Variants in DNAI4 observed in about 807,000 individuals in gnomAD.
DNAI4 encodes dynein axonemal intermediate chain 4, also known as WD repeat domain 78.
In DNAI4, 85 loss-of-function variants were observed where a neutral mutation model predicts 105.8. That is an observed-to-expected ratio of 0.80 (90% CI 0.67 to 0.96). DNAI4 has a LOEUF of 0.96. DNAI4 is among the 40% of genes least tolerant of loss of function. DNAI4 has a pLI of 0.00. For synonymous variants in DNAI4, 352 were observed against 331.5 expected (o/e 1.06, Z -0.67); for missense variants, 1,014 against 1,005.6 (o/e 1.01, Z -0.11).
At chr1:66,899,055 T>A (rs1458548651) in intron 2 of DNAI4, among the ~76,000 whole-genome samples, 1 of 152,220 alleles carries the variant, frequency 6.6e-6, no homozygotes, top group Admixed American at 6.5e-5. Flanking sequence ...TTATGAATAA[T>A]GCTACTAGAA....
At chr1:66,834,209 G>A in intron 11 of DNAI4, 61 bp from the exon 12 acceptor site, 1 of 1,326,748 alleles carries the variant, frequency 7.5e-7, no homozygotes, top group Non-Finnish European at 1.0e-6. Flanking sequence ...AAAGGCCTTG[G>A]AGTATAAGTG....
chr1:66,857,403 T>G (rs1398725269), intron 7 of DNAI4, among the ~76,000 whole-genome samples: 2 of 151,324 alleles, frequency 1.3e-5, no homozygotes, highest in Non-Finnish European at 2.9e-5. Context: ...AGTTAATGGG[T>G]GCAGCACACC....
At chr1:66,829,077 C>G (rs181976857) in intron 13 of DNAI4, among the ~76,000 whole-genome samples, 2 of 152,074 alleles carry the variant, frequency 1.3e-5, no homozygotes, top group Non-Finnish European at 2.9e-5. Context: ...TGAGCCGTGA[C>G]GCAGTTGCAA....
At chr1:66,920,505 C>G (rs2100905517) in intron 1 of DNAI4, among the ~76,000 whole-genome samples, 1 of 152,296 alleles carries the variant, frequency 6.6e-6, no homozygotes, top group African/African-American at 2.4e-5. Context: ...AACACCTCCT[C>G]TGGGGTTTTG....
At chr1:66,877,119 C>G (rs1646974506) in intron 4 of DNAI4, among the ~76,000 whole-genome samples, 1 of 152,080 alleles carries the variant, frequency 6.6e-6, no homozygotes, top group Admixed American at 6.6e-5. Context: ...TCTCAGAGAC[C>G]CCAGTAGAGA....
At chr1:66,870,999 G>C (rs1313580823) in intron 6 of DNAI4, 1 of 184,414 alleles carries the variant, frequency 5.4e-6, no homozygotes, top group East Asian at 1.4e-4. Context: ...TAGGGTTGCT[G>C]TAAAAATTAA....
chr1:66,871,525 T>C lies in DNAI4; in HGVS notation c.801-16A>G, dbSNP rs772513687. 1.3e-6 allele frequency: 2 copies of C among 1,561,350 alleles called. No individual in the cohort carries two copies. Among genetic ancestry groups the C allele is most frequent in the African/African-American group, 1.4e-5 (1 of 72,870 alleles). ...GTTTCTCTGACTGTAAAAAATAAAGTGTATCCAACTCATTAATAAGAATCA... is the reference window on the plus strand; with the variant it reads ...GTTTCTCTGACTGTAAAAAATAAAGCGTATCCAACTCATTAATAAGAATCA... On this transcript the variant is annotated splice_polypyrimidine_tract_variant and intron_variant, in intron 5 of 16. Transcript: ENST00000371026.
intron 10 of DNAI4, among the ~76,000 whole-genome samples, chr1:66,836,326 A>AAGAC (rs1646026169): frequency 1.4e-5 from 2 of 147,094 alleles, no homozygotes; most frequent in African/African-American, 5.1e-5. Context: ...GAAAGAAAGA[A>AAGAC]GGAAAGAGGG....
chr1:66,829,419 T>C (rs1645821462), intron 13 of DNAI4, among the ~76,000 whole-genome samples: 2 of 152,160 alleles, frequency 1.3e-5, no homozygotes, highest in African/African-American at 2.4e-5. Flanking sequence ...GAAGTGGCTA[T>C]ACTAATATCA....
intron 5 of DNAI4, among the ~76,000 whole-genome samples, chr1:66,873,722 T>A (rs1477840042): frequency 6.6e-6 from 1 of 152,216 alleles, no homozygotes; most frequent in Non-Finnish European, 1.5e-5. Context: ...TCTTTCAGTG[T>A]AAGGGTTGGG....
At chr1:66,833,819 T>G (rs181690108) in intron 12 of DNAI4, 113 bp from the exon 13 acceptor site, 45 of 1,432,264 alleles carry the variant, frequency 3.1e-5, no homozygotes, top group Non-Finnish European at 3.8e-5. Context: ...AACTTTTGCA[T>G]GTAATTAGGC....
intron 8 of DNAI4, among the ~76,000 whole-genome samples, chr1:66,841,872 C>A (rs367826132): frequency 6.6e-6 from 1 of 152,174 alleles, no homozygotes; most frequent in Non-Finnish European, 1.5e-5. Flanking sequence ...GGTTCACGCA[C>A]AGTATTGTAT....
chr1:66,891,376 A>G, intron 3 of DNAI4, 110 bp from the exon 4 acceptor site: 1 of 677,500 alleles, frequency 1.5e-6, no homozygotes, highest in Non-Finnish European at 2.5e-6. Flanking sequence ...TACTATGATC[A>G]TATAAGCAAA....
chr1:66,893,080 A>AGAAAGAAAG (rs1339208488), intron 3 of DNAI4, 149 bp downstream of exon 3: 3 of 383,742 alleles, frequency 7.8e-6, no homozygotes, highest in Non-Finnish European at 1.4e-5. Context: ...AAAGAAAGAA[A>AGAAAGAAAG]GAAAGAAAGA....
At chr1:66,854,270 A>T (rs1646454399) in intron 7 of DNAI4, among the ~76,000 whole-genome samples, 1 of 152,216 alleles carries the variant, frequency 6.6e-6, no homozygotes, top group Non-Finnish European at 1.5e-5. Context: ...AAACACCTGT[A>T]GTCCCAGCTA....
At chr1:66,920,165 T>C (rs1650362703) in intron 1 of DNAI4, among the ~76,000 whole-genome samples, 1 of 152,188 alleles carries the variant, frequency 6.6e-6, no homozygotes, top group South Asian at 2.1e-4. Flanking sequence ...AGCTGGACGT[T>C]GGAAGTCAGA....
In DNAI4 at chr1:66,860,249, T is replaced by C. The variant is rs269406; in HGVS notation, c.1096+1898A>G. Among the ~76,000 whole-genome samples the C allele has an allele frequency of 7.2e-3, 1,093 of 152,228 alleles. 11 individuals carry two copies. Among genetic ancestry groups the C allele is most frequent in the African/African-American group, 0.025 (1,049 of 41,564 alleles). ...GGTCTTCATTCAAAGGCAAATATTA[T>C]TGGACGTTTTCCCCCCTTGAGTATG... On this transcript the variant is annotated intron_variant, in intron 7 of 16. Transcript: ENST00000371026.
rs529364212 is a variant in DNAI4 at position 66,837,364 on chromosome 1, C to CAAAA, written c.1581+342_1581+345dup. Among the ~76,000 whole-genome samples the CAAAA allele has an allele frequency of 6.0e-3, 494 of 82,332 alleles. 12 individuals carry two copies. The highest frequency in any genetic ancestry group is 0.018 in the East Asian group (54 of 3,018). 54.0% of individuals were successfully genotyped at this position (82,332 alleles called of 152,430 possible). Reference sequence around the variant, plus strand: ...TGGGCGACAATGTAAGACTCTGTCTCAAAAAAAAAAAAAAAAAAAACATAA... The same window carrying CAAAA: ...TGGGCGACAATGTAAGACTCTGTCTCAAAAAAAAAAAAAAAAAAAAAAAACATAA... On this transcript the variant is annotated intron_variant, in intron 10 of 16. Coordinates refer to ENST00000371026, the MANE Select transcript of DNAI4 (RefSeq NM_024763.5).
At chr1:66,828,787 G>A (rs1196004009) in intron 13 of DNAI4, among the ~76,000 whole-genome samples, 2 of 151,964 alleles carry the variant, frequency 1.3e-5, no homozygotes, top group East Asian at 1.9e-4. Flanking sequence ...TGTGCTTTAA[G>A]AAATCTTTCC....
Sources: gnomAD v4.1 joint callset for allele counts (sites outside exome capture counted in the v4.1 genomes callset) on GRCh38, gnomAD v4.1.1 for gene constraint, MANE v1.5 for transcripts, NCBI Gene and HGNC (gene_info 2026-07-23, HGNC 2026-07-21) for gene names.